CCDC171: variants seen among roughly 807,000 people sequenced by gnomAD.
CCDC171 encodes the protein coiled-coil domain containing 171.
In CCDC171, 177 loss-of-function variants were observed where a neutral mutation model predicts 168.2. The ratio of observed to expected loss-of-function variants is 1.05; its 90% CI spans 0.93 to 1.19. CCDC171 has a LOEUF of 1.19. Among genes scored for constraint, CCDC171 ranks in the 50% most tolerant of loss-of-function variants. The pLI, the probability that CCDC171 is intolerant of heterozygous loss-of-function variation, is 0.00. For synonymous variants in CCDC171, 687 were observed against 540.8 expected (o/e 1.27, Z -3.75); for missense variants, 1,991 against 1,539.0 (o/e 1.29, Z -4.91).
intron 24 of CCDC171, among the ~76,000 whole-genome samples, chr9:15,904,637 C>T (rs1822244236): frequency 6.6e-6 from 1 of 152,156 alleles, no homozygotes; most frequent in African/African-American, 2.4e-5. Context: ...AACCAGCTAA[C>T]ATCATAATGT....
chr9:15,890,726 T>A (rs1362937962), intron 24 of CCDC171, among the ~76,000 whole-genome samples: 1 of 152,190 alleles, frequency 6.6e-6, no homozygotes. Context: ...ATATGTGCAA[T>A]TCTTTGTTTA....
intron 8 of CCDC171, among the ~76,000 whole-genome samples, chr9:15,661,154 C>A (rs1026715377): frequency 5.3e-5 from 8 of 151,970 alleles, no homozygotes; most frequent in African/African-American, 1.9e-4. Context: ...GTGGCGGGCG[C>A]CTGTAGTCCC....
At chr9:15,888,410 A>G (rs894086084) in intron 24 of CCDC171, among the ~76,000 whole-genome samples, 5 of 152,190 alleles carry the variant, frequency 3.3e-5, no homozygotes, top group Non-Finnish European at 4.4e-5. Flanking sequence ...CAGGTGGTAA[A>G]TTCATGCCAT....
At chr9:15,771,401 T>C (rs1464231830) in intron 18 of CCDC171, among the ~76,000 whole-genome samples, 1 of 152,178 alleles carries the variant, frequency 6.6e-6, no homozygotes, top group East Asian at 1.9e-4. Context: ...CAAAAGACAT[T>C]ATATTATTAC....
chr9:16,041,661 A>G (rs749931174), upstream of CCDC171, among the ~76,000 whole-genome samples: 3 of 152,232 alleles, frequency 2.0e-5, no homozygotes, highest in Non-Finnish European at 4.4e-5. Context: ...TTAATTAAAT[A>G]TGATGTTTGG....
intron 10 of CCDC171, 149 bp downstream of exon 10, chr9:15,679,045 C>T: frequency 1.8e-6 from 1 of 560,608 alleles, no homozygotes; most frequent in Non-Finnish European, 3.0e-6. Context: ...ACTGGAAATG[C>T]TGATTACATC....
At chr9:16,084,901 T>G in the CCDC171 span, among the ~76,000 whole-genome samples, 1 of 152,154 alleles carries the variant, frequency 6.6e-6, no homozygotes, top group Non-Finnish European at 1.5e-5. Context: ...TCCAAACTGG[T>G]AACCAGTCAA....
intron 11 of CCDC171, among the ~76,000 whole-genome samples, chr9:15,708,969 T>C (rs964658560): frequency 3.3e-5 from 5 of 152,218 alleles, no homozygotes; most frequent in African/African-American, 4.8e-5. Flanking sequence ...CTCTTTTTTT[T>C]CATTTAAAAA....
At chr9:15,595,736 A>G (rs1448775033) in intron 6 of CCDC171, among the ~76,000 whole-genome samples, 1 of 151,900 alleles carries the variant, frequency 6.6e-6, no homozygotes, top group Non-Finnish European at 1.5e-5. Context: ...GACTTCCACA[A>G]TGATTGAGCT....
the CCDC171 span, among the ~76,000 whole-genome samples, chr9:16,068,792 T>C: frequency 7.6e-6 from 1 of 131,794 alleles, no homozygotes; most frequent in African/African-American, 2.5e-5. Flanking sequence ...GTATTCTGGT[T>C]TTTATGGGGG....
intron 8 of CCDC171, among the ~76,000 whole-genome samples, chr9:16,036,897 T>C (rs910956148): frequency 4.6e-5 from 7 of 152,100 alleles, no homozygotes; most frequent in Non-Finnish European, 1.5e-5. Context: ...CTGGGGGACA[T>C]GATGTTAAGT....
chr9:15,885,642 A>C (rs1203296747), intron 24 of CCDC171: 1 of 152,198 alleles, frequency 6.6e-6, no homozygotes, highest in African/African-American at 2.4e-5. Context: ...GCTGTCAGTT[A>C]AGGCTCTCTT....
chr9:16,085,116 GT>G, the CCDC171 span, among the ~76,000 whole-genome samples: 1 of 152,210 alleles, frequency 6.6e-6, no homozygotes, highest in Non-Finnish European at 1.5e-5. Flanking sequence ...AGGGCAGCAT[GT>G]CAGCCTGTGC....
intron 25 of CCDC171, among the ~76,000 whole-genome samples, chr9:15,944,677 G>A (rs961255275): frequency 3.9e-5 from 6 of 151,928 alleles, no homozygotes; most frequent in African/African-American, 1.4e-4. Context: ...TAAGGTTCCT[G>A]TTATTATTGT....
At chr9:15,564,274 T>G in intron 2 of CCDC171, 145 bp downstream of exon 2, 1 of 582,946 alleles carries the variant, frequency 1.7e-6, no homozygotes, top group Non-Finnish European at 3.0e-6. Context: ...GGAGCATGAA[T>G]GAAGCCTCAT....
At chr9:15,621,513 A>C (rs953023626) in intron 6 of CCDC171, among the ~76,000 whole-genome samples, 13 of 152,216 alleles carry the variant, frequency 8.5e-5, no homozygotes, top group Non-Finnish European at 1.6e-4. Flanking sequence ...TTAAGAGTTC[A>C]TATATAGCCT....
chr9:15,851,298 A>G (rs1398119670), intron 23 of CCDC171, among the ~76,000 whole-genome samples: 2 of 151,902 alleles, frequency 1.3e-5, no homozygotes, highest in Non-Finnish European at 2.9e-5. Flanking sequence ...AAGGAAGGTC[A>G]GTCATTTCAG....
Position 15,678,296 on chromosome 9 carries a change from A to G in CCDC171, c.1077-462A>G, listed in dbSNP as rs549626816. Among the ~76,000 whole-genome samples, 4 of 152,032 alleles carry G rather than the reference A, an allele frequency of 2.6e-5. No homozygotes were observed. In the East Asian group the frequency reaches 5.8e-4, roughly 22 times the overall value. On this transcript the variant is annotated intron_variant, in intron 9 of 25. Coordinates refer to ENST00000380701, the MANE Select transcript of CCDC171 (RefSeq NM_173550.4). Reference sequence around the variant, plus strand: ...AAGTGAATGTGAATTATTTTTGATTATTTTTCCTTTTGGATTTTCCATGCC... The same window carrying G: ...AAGTGAATGTGAATTATTTTTGATTGTTTTTCCTTTTGGATTTTCCATGCC...
chr9:15,558,472 G>A (rs1273685909), intron 1 of CCDC171, among the ~76,000 whole-genome samples: 1 of 152,160 alleles, frequency 6.6e-6, no homozygotes, highest in Non-Finnish European at 1.5e-5. Flanking sequence ...GTGGGTGTAT[G>A]TGTCCAGGAA....
Sources: allele counts gnomAD v4.1 joint callset (sites outside exome capture counted in the v4.1 genomes callset), GRCh38; gene constraint gnomAD v4.1.1; transcripts MANE v1.5; gene names NCBI Gene and HGNC (gene_info 2026-07-23, HGNC 2026-07-21).